PBX1: variants seen among roughly 807,000 people sequenced by gnomAD.
PBX1 encodes the protein pre-B-cell leukemia transcription factor 1.
Under a neutral mutation model 53.4 loss-of-function variants are expected in PBX1, and 6 were observed. The observed-to-expected ratio is 0.11, with a 90% CI of 0.06 to 0.22. The LOEUF (loss-of-function observed/expected upper bound fraction) is 0.22. PBX1 is among the 10% of genes least tolerant of loss of function. PBX1 has a pLI of 1.00. For missense variants in PBX1, 251 were observed against 551.4 expected (o/e 0.46, Z 5.46); for synonymous variants, 204 against 212.3 (o/e 0.96, Z 0.34).
At chr1:164,776,531 C>T (rs1445129388) in intron 2 of PBX1, among the ~76,000 whole-genome samples, 1 of 152,124 alleles carries the variant, frequency 6.6e-6, no homozygotes, top group African/African-American at 2.4e-5. Context: ...TTTGAGTCCT[C>T]TTTGTTTTTC....
At chr1:164,603,830 T>C (rs562356698) in intron 2 of PBX1, among the ~76,000 whole-genome samples, 1 of 152,164 alleles carries the variant, frequency 6.6e-6, no homozygotes, top group Admixed American at 6.5e-5. Context: ...GTTTAGTACC[T>C]GAATTGTATC....
chr1:164,705,327 G>T (rs1163426633), intron 2 of PBX1, among the ~76,000 whole-genome samples: 1 of 152,044 alleles, frequency 6.6e-6, no homozygotes, highest in Non-Finnish European at 1.5e-5. Context: ...GGTTGTGTTT[G>T]GTAATTAAAA....
chr1:164,633,706 C>T (rs140512922), intron 2 of PBX1, among the ~76,000 whole-genome samples: 57 of 152,258 alleles, frequency 3.7e-4, no homozygotes, highest in African/African-American at 1.3e-3. Flanking sequence ...ATTTGAATCC[C>T]AGCTCCTTCA....
chr1:164,738,144 G>C (rs566056228), intron 2 of PBX1, among the ~76,000 whole-genome samples: 33 of 152,112 alleles, frequency 2.2e-4, no homozygotes, highest in African/African-American at 7.0e-4. Context: ...GTGTTTCTTC[G>C]TTCATCCATT....
At chr1:164,876,462 G>T (rs1421023996) in intron 2 of PBX1, among the ~76,000 whole-genome samples, 1 of 151,768 alleles carries the variant, frequency 6.6e-6, no homozygotes, top group Non-Finnish European at 1.5e-5. Flanking sequence ...AGGCTCCCAT[G>T]CAGGGATATT....
At chr1:164,568,082 A>G (rs1236112232) in intron 2 of PBX1, among the ~76,000 whole-genome samples, 1 of 152,126 alleles carries the variant, frequency 6.6e-6, no homozygotes, top group Admixed American at 6.5e-5. Context: ...GACATCCATG[A>G]ACTTTTTGTT....
intron 2 of PBX1, chr1:164,631,010 G>A (rs1490882957): frequency 3.9e-5 from 6 of 152,196 alleles, no homozygotes; most frequent in African/African-American, 1.4e-4. Flanking sequence ...GGCTGCATCA[G>A]GAAGCCCTGG....
At chr1:164,735,878 C>G (rs150468333) in intron 2 of PBX1, among the ~76,000 whole-genome samples, 1 of 152,312 alleles carries the variant, frequency 6.6e-6, no homozygotes, top group Non-Finnish European at 1.5e-5. Flanking sequence ...CTGGACAAAG[C>G]ATGAGGCATG....
chr1:164,672,425 T>C (rs1434464968), intron 2 of PBX1, among the ~76,000 whole-genome samples: 1 of 152,194 alleles, frequency 6.6e-6, no homozygotes, highest in Non-Finnish European at 1.5e-5. Context: ...GGGACCGCAG[T>C]GTACTTAGAT....
chr1:164,820,071 G>T lies in PBX1; in HGVS notation c.998-1G>T. 6.3e-7 allele frequency: 1 copy of T among 1,596,590 alleles called. No homozygotes were observed. Among genetic ancestry groups the T allele is most frequent in the Non-Finnish European group, 8.6e-7 (1 of 1,165,130 alleles). On this transcript the variant is annotated splice_acceptor_variant, in intron 6 of 8. Coordinates refer to ENST00000420696, the MANE Select transcript of PBX1 (RefSeq NM_002585.4). LOFTEE classifies it high-confidence loss of function. ...CAGGTGCCTCACTCTTTCCTTTCCA[G>T]GTTCTTCCAGTTCTTTTAACATGTC...
chr1:164,603,318 G>A (rs1174808865), intron 2 of PBX1, among the ~76,000 whole-genome samples: 1 of 152,114 alleles, frequency 6.6e-6, no homozygotes, highest in African/African-American at 2.4e-5. Flanking sequence ...TTGAATAACT[G>A]CCTGAGTTAA....
At chr1:164,749,124 G>T (rs1666055788) in intron 2 of PBX1, among the ~76,000 whole-genome samples, 2 of 152,008 alleles carry the variant, frequency 1.3e-5, no homozygotes, top group Admixed American at 1.3e-4. Flanking sequence ...AGAAAGTCTG[G>T]AAAACAAAGG....
intron 2 of PBX1, among the ~76,000 whole-genome samples, chr1:164,661,227 G>C (rs528507456): frequency 6.6e-6 from 1 of 152,274 alleles, no homozygotes; most frequent in South Asian, 2.1e-4. Flanking sequence ...AGTAATGGTG[G>C]GGAAGGAATA....
chr1:164,623,386 A>C (rs1657821709), intron 2 of PBX1, among the ~76,000 whole-genome samples: 1 of 152,230 alleles, frequency 6.6e-6, no homozygotes, highest in African/African-American at 2.4e-5. Context: ...ACCCGTGTGC[A>C]CCATGTGTTA....
intron 8 of PBX1, among the ~76,000 whole-genome samples, chr1:164,832,660 T>C (rs1670827241): frequency 6.6e-6 from 1 of 151,722 alleles, no homozygotes; most frequent in Admixed American, 6.6e-5. Context: ...AAATAGAAAA[T>C]ATAATTTAAA....
At chr1:164,872,242 C>T (rs1194455393) in intron 2 of PBX1, among the ~76,000 whole-genome samples, 1 of 152,240 alleles carries the variant, frequency 6.6e-6, no homozygotes, top group Non-Finnish European at 1.5e-5. Context: ...CCGACCATTC[C>T]AGTGGTGGGG....
intron 2 of PBX1, among the ~76,000 whole-genome samples, chr1:164,593,648 A>AAAAT (rs113055183): frequency 6.6e-6 from 1 of 152,026 alleles, no homozygotes; most frequent in Non-Finnish European, 1.5e-5. Context: ...GAAAAATAAT[A>AAAAT]AATAGCCAGA....
intron 2 of PBX1, among the ~76,000 whole-genome samples, chr1:164,729,069 G>C (rs1409689922): frequency 6.6e-6 from 1 of 152,140 alleles, no homozygotes; most frequent in East Asian, 1.9e-4. Flanking sequence ...ACATTTTGTA[G>C]GACATCTGAA....
At chr1:164,790,133 C>G (rs182403601) in intron 2 of PBX1, among the ~76,000 whole-genome samples, 1 of 152,212 alleles carries the variant, frequency 6.6e-6, no homozygotes, top group Non-Finnish European at 1.5e-5. Context: ...CCTTTAGGGC[C>G]TGGTATTCAG....
Sources: gnomAD v4.1 joint callset for allele counts (sites outside exome capture counted in the v4.1 genomes callset) on GRCh38, gnomAD v4.1.1 for gene constraint, MANE v1.5 for transcripts, NCBI Gene and HGNC (gene_info 2026-07-23, HGNC 2026-07-21) for gene names.